The following NCKAP5 variants were observed in gnomAD, a reference collection of about 807,000 sequenced individuals.
NCKAP5 encodes the protein NCK associated protein 5, also known as nck-associated protein 5.
A neutral mutation model predicts 167.0 loss-of-function variants in NCKAP5; 92 were observed. That is an observed-to-expected ratio of 0.55 (90% confidence interval 0.47 to 0.66). The LOEUF (loss-of-function observed/expected upper bound fraction) is 0.66. NCKAP5 is among the 30% of genes least tolerant of loss of function. The pLI, the probability that NCKAP5 is intolerant of heterozygous loss-of-function variation, is 0.00. For missense variants in NCKAP5, 2,378 were observed against 2,315.0 expected (o/e 1.03, Z -0.56); for synonymous variants, 891 against 877.4 (o/e 1.02, Z -0.27).
upstream of NCKAP5, among the ~76,000 whole-genome samples, chr2:133,572,332 A>T (rs1455020560): frequency 6.6e-6 from 1 of 152,250 alleles, no homozygotes; most frequent in East Asian, 1.9e-4. Flanking sequence ...AGAGCTTCAG[A>T]TGTCAACCGC....
chr2:133,669,285 T>G, the NCKAP5 span, among the ~76,000 whole-genome samples: 1 of 152,192 alleles, frequency 6.6e-6, no homozygotes, highest in Non-Finnish European at 1.5e-5. Flanking sequence ...GTTGCAAGCC[T>G]TTCTTTAATT....
chr2:133,305,375 G>A (rs990870076), intron 3 of NCKAP5, among the ~76,000 whole-genome samples: 2 of 152,120 alleles, frequency 1.3e-5, no homozygotes, highest in African/African-American at 4.8e-5. Flanking sequence ...TCGTCAGAGG[G>A]ATAAATAATG....
At position 133,295,110 on chromosome 2, in the gene NCKAP5, C is replaced by T. The variant is rs560322255; in HGVS notation, c.143+7927G>A. 5.9e-5 allele frequency among the ~76,000 whole-genome samples: 9 copies of T among 152,264 alleles called. No homozygotes were observed. The East Asian group carries it at 1.5e-3, about 26-fold the overall frequency. On this transcript the variant is annotated intron_variant, in intron 4 of 19. Transcript: ENST00000409261. ...GAGGAACTTGGGATTGAGGTTCCTA[C>T]AGGTTGACTTTCCCCTTTTACCAAC...
chr2:133,651,696 G>C, the NCKAP5 span, among the ~76,000 whole-genome samples: 1 of 152,166 alleles, frequency 6.6e-6, no homozygotes, highest in African/African-American at 2.4e-5. Flanking sequence ...ATCTCAAAGA[G>C]ATATTAGCAG....
intron 3 of NCKAP5, among the ~76,000 whole-genome samples, chr2:133,430,099 G>C (rs965558106): frequency 6.6e-6 from 1 of 151,996 alleles, no homozygotes; most frequent in Non-Finnish European, 1.5e-5. Flanking sequence ...TCATATGTTT[G>C]TCGGCTGCTT....
intron 7 of NCKAP5, among the ~76,000 whole-genome samples, chr2:132,964,190 G>T (rs2076596400): frequency 6.6e-6 from 1 of 152,156 alleles, no homozygotes; most frequent in African/African-American, 2.4e-5. Flanking sequence ...CAGCTATACT[G>T]CAAACTGTGG....
chr2:133,634,426 C>T, the NCKAP5 span, among the ~76,000 whole-genome samples: 1 of 152,132 alleles, frequency 6.6e-6, no homozygotes, highest in East Asian at 1.9e-4. Context: ...GGAAAAATGA[C>T]CAGAAACATA....
chr2:133,355,040 T>G (rs1001016302), intron 3 of NCKAP5, among the ~76,000 whole-genome samples: 1 of 152,336 alleles, frequency 6.6e-6, no homozygotes, highest in Admixed American at 6.5e-5. Context: ...AATAGAAATT[T>G]AATGGTTCAT....
At chr2:133,293,939 A>G (rs373489657) in intron 4 of NCKAP5, among the ~76,000 whole-genome samples, 10 of 152,212 alleles carry the variant, frequency 6.6e-5, no homozygotes, top group African/African-American at 1.7e-4. Flanking sequence ...GGTTGAGAAC[A>G]GGGAAAGATA....
chr2:133,343,910 C>T (rs2117736), intron 3 of NCKAP5, among the ~76,000 whole-genome samples: 150,997 of 152,306 alleles, frequency 0.99, 74,860 homozygotes, highest in East Asian at 1. Context: ...GTGATGTCAC[C>T]GGATGAGGAG....
intron 16 of NCKAP5, among the ~76,000 whole-genome samples, chr2:132,736,872 A>C (rs2105534994): frequency 6.6e-6 from 1 of 152,346 alleles, no homozygotes; most frequent in South Asian, 2.1e-4. Context: ...GTAGTTGCCC[A>C]CAGGGCCTTG....
chr2:133,332,189 G>C (rs1335249382), intron 3 of NCKAP5, among the ~76,000 whole-genome samples: 1 of 152,154 alleles, frequency 6.6e-6, no homozygotes, highest in South Asian at 2.1e-4. Context: ...TGACAAAATG[G>C]GCCCAATATA....
chr2:133,480,917 G>A (rs1680365100), intron 3 of NCKAP5, among the ~76,000 whole-genome samples: 1 of 152,180 alleles, frequency 6.6e-6, no homozygotes, highest in Non-Finnish European at 1.5e-5. Context: ...AGATAGCTTT[G>A]ACTCTGCTAT....
At chr2:133,565,048 A>G (rs1417284477) in intron 1 of NCKAP5, among the ~76,000 whole-genome samples, 1 of 152,172 alleles carries the variant, frequency 6.6e-6, no homozygotes, top group Admixed American at 6.5e-5. Context: ...GGTGACTGGG[A>G]TGTGAAAAGC....
intron 6 of NCKAP5, among the ~76,000 whole-genome samples, chr2:133,090,599 T>A (rs551525174): frequency 6.6e-6 from 1 of 152,162 alleles, no homozygotes; most frequent in Non-Finnish European, 1.5e-5. Flanking sequence ...CCTCCAGAAC[T>A]GTGAGACAAT....
chr2:133,506,764 C>T (rs1283881677), intron 3 of NCKAP5, among the ~76,000 whole-genome samples: 1 of 152,162 alleles, frequency 6.6e-6, no homozygotes, highest in Non-Finnish European at 1.5e-5. Context: ...TAAAGAGGCC[C>T]TTTATTAAAC....
chr2:132,978,771 G>A (rs566962940), intron 7 of NCKAP5, among the ~76,000 whole-genome samples: 2 of 152,126 alleles, frequency 1.3e-5, no homozygotes, highest in Non-Finnish European at 2.9e-5. Context: ...TCTCTGAAGC[G>A]GTCCTCGTCT....
intron 11 of NCKAP5, among the ~76,000 whole-genome samples, chr2:132,859,329 G>T (rs1382789675): frequency 6.6e-6 from 1 of 152,022 alleles, no homozygotes; most frequent in Non-Finnish European, 1.5e-5. Context: ...TTTCTCTGAG[G>T]AGTCCTAAGA....
At chr2:133,444,353 A>AAGAT (rs3085736) in intron 3 of NCKAP5, among the ~76,000 whole-genome samples, 3,370 of 147,758 alleles carry the variant, frequency 0.023, 41 homozygotes, top group East Asian at 0.031. Context: ...GACAAAAACA[A>AAGAT]AGATAGATAG....
Sources: gnomAD v4.1 joint callset for allele counts (sites outside exome capture counted in the v4.1 genomes callset) on GRCh38, gnomAD v4.1.1 for gene constraint, MANE v1.5 for transcripts, NCBI Gene and HGNC (gene_info 2026-07-23, HGNC 2026-07-21) for gene names.